Variants in PCSK6 observed in about 807,000 individuals in gnomAD.
The protein encoded by PCSK6 is proprotein convertase subtilisin/kexin type 6.
In PCSK6, 85 loss-of-function variants were observed where a neutral mutation model predicts 123.3. The ratio of observed to expected loss-of-function variants is 0.69; its 90% CI spans 0.58 to 0.83. The LOEUF (loss-of-function observed/expected upper bound fraction) is 0.83, where lower values mean the gene tolerates loss of function less well. Ranked by LOEUF, PCSK6 falls within the 40% of genes least tolerant of loss-of-function variation. The pLI, the probability that PCSK6 is intolerant of heterozygous loss-of-function variation, is 0.00. For synonymous variants in PCSK6, 508 were observed against 516.0 expected, an observed-to-expected ratio of 0.98 and a Z score of 0.21; for missense variants, 1,191 against 1,282.3, an observed-to-expected ratio of 0.93 and a Z score of 1.09.
At chr15:101,433,512 G>A (rs984341711) in intron 2 of PCSK6, among the ~76,000 whole-genome samples, 30 of 152,180 alleles carry the variant, frequency 2.0e-4, no homozygotes, top group Non-Finnish European at 2.2e-4. Context: ...CCGTGCTCTC[G>A]AGGAGTCTGC....
At chr15:101,363,653 G>A (rs1440933210) in intron 13 of PCSK6, among the ~76,000 whole-genome samples, 8 of 149,306 alleles carry the variant, frequency 5.4e-5, no homozygotes, top group Non-Finnish European at 8.9e-5. Flanking sequence ...TTTTTGAGAC[G>A]GAGTCTCGCT....
intron 11 of PCSK6, among the ~76,000 whole-genome samples, chr15:101,371,712 G>T (rs995992021): frequency 3.3e-5 from 5 of 151,460 alleles, no homozygotes; most frequent in African/African-American, 9.7e-5. Context: ...CTGCCTCCAG[G>T]CCTCACTGCC....
At chr15:101,333,116 A>G (rs562648162) in intron 13 of PCSK6, among the ~76,000 whole-genome samples, 136 of 152,204 alleles carry the variant, frequency 8.9e-4, no homozygotes, top group African/African-American at 2.8e-3. Flanking sequence ...CTGCAGGCCG[A>G]CTCTGCTGCT....
chr15:101,387,601 G>A (rs930525733), intron 9 of PCSK6, among the ~76,000 whole-genome samples: 15 of 115,138 alleles, frequency 1.3e-4, no homozygotes, highest in South Asian at 2.8e-4. Context: ...ATGAAGAACG[G>A]ATGTTTGAAA....
rs1369549226 is a variant in PCSK6 at position 101,305,936 on chromosome 15, A to AG, written c.2813-582dup. Among the ~76,000 whole-genome samples the AG allele has an allele frequency of 6.6e-6, 1 of 152,060 alleles. No homozygotes were observed. Among genetic ancestry groups the AG allele is most frequent in the Non-Finnish European group, 1.5e-5 (1 of 67,988 alleles). On this transcript the variant is annotated intron_variant, in intron 21 of 21. Transcript: ENST00000611716. The surrounding 1 kb of genome is among the most constrained non-coding windows in gnomAD (Gnocchi z 4.8). ...CTCAGTGACAAGGGGATTCATGAGC[A>AG]GGATGTGGGGGTGGTGTGGGAGGGA...
In PCSK6 at chr15:101,489,463, A is replaced by G. The variant is rs1203550094; in HGVS notation, c.208T>C (p.Tyr70His). 8.9e-7 allele frequency: 1 copy of G among 1,126,702 alleles called. No individual in the cohort carries two copies. Among genetic ancestry groups the G allele is most frequent in the Non-Finnish European group, 1.1e-6 (1 of 919,284 alleles). The allele number at this position is 1,126,702 out of a possible 1,614,324, so 69.8% of individuals were successfully genotyped here. A position where few individuals can be genotyped will look rare whatever the true frequency, so the allele number is the denominator to read the frequency against. ...ACTTGCACCGCCCAGTGGTTGGTGT[A>G]GACGGGGCGCGGCGGGGGCGCGGAG... ...ACSAPPPRPVYTNHWAVQVLG... is the reference protein window; with the variant it reads ...ACSAPPPRPVHTNHWAVQVLG... Residue 70 changes from tyrosine (Y) to histidine (H), a missense_variant, in exon 1 of 22, where the codon TAC becomes CAC. Coordinates refer to ENST00000611716, the MANE Select transcript of PCSK6 (RefSeq NM_002570.5).
intron 15 of PCSK6, among the ~76,000 whole-genome samples, chr15:101,328,755 G>A (rs544672492): frequency 1.4e-4 from 21 of 152,314 alleles, no homozygotes; most frequent in African/African-American, 4.8e-4. Flanking sequence ...AGGTTAAGAC[G>A]ATGCCCATCC....
rs373813120 is a variant in PCSK6 at position 101,443,557 on chromosome 15, T to A, written c.401A>T (p.Gln134Leu). Reference protein sequence around the residue: ...GPHTFLRMDPQVKWLQQQEVK... With the variant: ...GPHTFLRMDPLVKWLQQQEVK... Reference sequence around the variant, plus strand: ...GGAAAGCATCCGGACACTCTGTACCTGGGGGTCCATTCTGAGGAAGGTGTG... The same window carrying A: ...GGAAAGCATCCGGACACTCTGTACCAGGGGGTCCATTCTGAGGAAGGTGTG... Residue 134 changes from glutamine (Q) to leucine (L), a missense_variant and splice_region_variant, in exon 2 of 22, where the codon CAG (glutamine) becomes CTG (leucine). By Grantham distance (113) the Gln-to-Leu change is moderately radical (BLOSUM62 -2). Coordinates refer to ENST00000611716, the MANE Select transcript of PCSK6 (RefSeq NM_002570.5). 2 of 1,606,668 alleles carry A rather than the reference T, an allele frequency of 1.2e-6. No individual in the cohort carries two copies. The highest frequency in any genetic ancestry group is 2.7e-5 in the African/African-American group (2 of 74,766).
intron 1 of PCSK6, among the ~76,000 whole-genome samples, chr15:101,484,551 G>A (rs2141275444): frequency 6.6e-6 from 1 of 152,194 alleles, no homozygotes; most frequent in South Asian, 2.1e-4. Context: ...ACCACGCCCA[G>A]CTAATTTTCA....
chr15:101,416,736 T>C (rs1056175779), intron 6 of PCSK6, among the ~76,000 whole-genome samples: 4 of 152,270 alleles, frequency 2.6e-5, no homozygotes, highest in Admixed American at 6.5e-5. Flanking sequence ...GGAGCCAACG[T>C]ACAGCTTGGG....
At position 101,403,122 on chromosome 15, in the gene PCSK6, G is replaced by A. The variant is rs545896230; in HGVS notation, c.824-4546C>T. ...AATGATGAGTTCATGTCCTTTGTAGGGACATGGATGAAACTGGAAATCATC... is the reference window on the plus strand; with the variant it reads ...AATGATGAGTTCATGTCCTTTGTAGAGACATGGATGAAACTGGAAATCATC... On this transcript the variant is annotated intron_variant, in intron 6 of 21. Coordinates refer to ENST00000611716, the MANE Select transcript of PCSK6 (RefSeq NM_002570.5). 1.9e-3 allele frequency among the ~76,000 whole-genome samples: 286 copies of A among 151,962 alleles called. 1 individual carries two copies. Among genetic ancestry groups the A allele is most frequent in the Non-Finnish European group, 3.4e-3 (232 of 67,976 alleles).
chr15:101,347,872 G>A lies in PCSK6; in HGVS notation c.1859-15841C>T, dbSNP rs902614672. On this transcript the variant is annotated intron_variant, in intron 13 of 21. Transcript: ENST00000611716. ...CAGGAGTGGAGGGCAGCAGGAGGAA[G>A]CGCCCGGGGTTGACAAATGGAAGGA... The A allele has an allele frequency of 1.8e-5, 17 of 962,710 alleles. No homozygotes were observed. In the Admixed American group the frequency reaches 1.9e-4, roughly 11 times the overall value. The allele number at this position is 962,710 out of a possible 1,614,324, so 59.6% of individuals were successfully genotyped here.
intron 13 of PCSK6, among the ~76,000 whole-genome samples, chr15:101,338,444 A>G (rs2040532072): frequency 1.3e-5 from 2 of 152,274 alleles, no homozygotes; most frequent in African/African-American, 4.8e-5. Context: ...AAGAGGCCAC[A>G]TTCTCTTTGG....
chr15:101,305,277 G>C lies in PCSK6; in HGVS notation c.2891C>G (p.Thr964Arg). 6.2e-7 allele frequency: 1 copy of C among 1,611,706 alleles called. No homozygotes were observed. The highest frequency in any genetic ancestry group is 8.5e-7 in the Non-Finnish European group (1 of 1,179,568). ...RKLFIQFCCRTCLLAG is the reference protein window; with the variant it reads ...RKLFIQFCCRRCLLAG ...GCACCCTTACCCGGCCAGGAGGCACGTGCGGCAGCAGAACTGAATGAAGAG... is the reference window on the plus strand; with the variant it reads ...GCACCCTTACCCGGCCAGGAGGCACCTGCGGCAGCAGAACTGAATGAAGAG... Residue 964 changes from threonine to arginine, a missense_variant, in exon 22 of 22, where the codon ACG (threonine) becomes AGG (arginine). Thr to Arg is a moderately conservative substitution (Grantham distance 71). Transcript: ENST00000611716. This position sits in a 1 kb window ranked among gnomAD's most constrained non-coding sequence, Gnocchi z 4.8.
chr15:101,428,769 T>C (rs905091221), intron 5 of PCSK6, among the ~76,000 whole-genome samples: 1 of 152,192 alleles, frequency 6.6e-6, no homozygotes, highest in African/African-American at 2.4e-5. Context: ...GCAGCAGCCC[T>C]CTGGAAGAGA....
chr15:101,390,021 G>A (rs929328314), intron 8 of PCSK6, among the ~76,000 whole-genome samples: 1 of 152,204 alleles, frequency 6.6e-6, no homozygotes, highest in Non-Finnish European at 1.5e-5. Flanking sequence ...TGACTTCAGA[G>A]CAGCTAGAGA....
At chr15:101,409,581 T>G (rs536921049) in intron 6 of PCSK6, among the ~76,000 whole-genome samples, 1 of 83,644 alleles carries the variant, frequency 1.2e-5, no homozygotes, top group African/African-American at 7.0e-5. Flanking sequence ...TAAGACTCCG[T>G]CTCAAAAAAA....
chr15:101,430,638 G>C (rs187417310), intron 4 of PCSK6, among the ~76,000 whole-genome samples: 7 of 152,266 alleles, frequency 4.6e-5, no homozygotes, highest in Non-Finnish European at 1.0e-4. Flanking sequence ...ATGATAAAAG[G>C]TTTCCAGTGT....
chr15:101,402,515 T>C (rs1376725687), intron 6 of PCSK6, among the ~76,000 whole-genome samples: 2 of 152,180 alleles, frequency 1.3e-5, no homozygotes, highest in Non-Finnish European at 2.9e-5. Context: ...TTTCGCAACC[T>C]ACTCATCTGA....
Sources: gnomAD v4.1 joint callset for allele counts (sites outside exome capture counted in the v4.1 genomes callset) on GRCh38, gnomAD v4.1.1 for gene constraint, Gnocchi (gnomAD v3.1) non-coding constraint, MANE v1.5 for transcripts, NCBI Gene and HGNC (gene_info 2026-07-23, HGNC 2026-07-21) for gene names.